PLA2R1: variants seen among roughly 807,000 people sequenced by gnomAD.
The protein encoded by PLA2R1 is secretory phospholipase A2 receptor.
Under a neutral mutation model 195.9 loss-of-function variants are expected in PLA2R1, and 158 were observed. That is an observed-to-expected ratio of 0.81 (90% CI 0.71 to 0.92). PLA2R1 has a LOEUF of 0.92. Among genes scored for constraint, PLA2R1 ranks in the 40% least tolerant of loss-of-function variants. The probability of loss-of-function intolerance (pLI) is 0.00; values close to 1 mark genes in which losing one functional copy is unlikely to be tolerated. For synonymous variants in PLA2R1, 586 were observed against 598.2 expected (o/e 0.98, Z 0.30); for missense variants, 1,626 against 1,764.6 (o/e 0.92, Z 1.41).
At chr2:160,013,666 CCTCT>C (rs1341449653) in intron 9 of PLA2R1, among the ~76,000 whole-genome samples, 3 of 95,108 alleles carry the variant, frequency 3.2e-5, no homozygotes, top group Non-Finnish European at 5.1e-5. Flanking sequence ...AAGATCTCTA[CCTCT>C]CTCTTTCTCT....
chr2:159,988,338 C>G (rs917230768), intron 11 of PLA2R1, among the ~76,000 whole-genome samples: 1 of 151,260 alleles, frequency 6.6e-6, no homozygotes, highest in African/African-American at 2.4e-5. Context: ...GCAATGTGCT[C>G]AGCTAGGCTG....
the PLA2R1 span, among the ~76,000 whole-genome samples, chr2:159,924,354 A>G: frequency 2.0e-5 from 3 of 152,158 alleles, no homozygotes; most frequent in Non-Finnish European, 4.4e-5. Context: ...AGGGATTAGG[A>G]TCTGATATCT....
chr2:159,930,407 CAA>C (rs11389351), downstream of PLA2R1, among the ~76,000 whole-genome samples: 22 of 115,470 alleles, frequency 1.9e-4, no homozygotes, highest in African/African-American at 1.7e-4. Flanking sequence ...GACTCCGTCT[CAA>C]AAAAAAAAAA....
chr2:160,028,065 A>G (rs1414337970), intron 6 of PLA2R1, among the ~76,000 whole-genome samples, 153 bp downstream of exon 6: 1 of 152,260 alleles, frequency 6.6e-6, no homozygotes, highest in African/African-American at 2.4e-5. Context: ...TTGACATAAC[A>G]GATATTGTCT....
Position 159,937,096 on chromosome 2 carries a change from T to C in PLA2R1, c.*4682A>G, listed in dbSNP as rs1560122423. On this transcript the variant is annotated 3_prime_UTR_variant, in exon 30 of 30. Coordinates refer to ENST00000283243, the MANE Select transcript of PLA2R1 (RefSeq NM_007366.5). ...TGATTATGTTCTCCTTCAGTTTTTT[T>C]TAAAGCATAGAAGTGGAAACACCCT... is the stretch of plus-strand genomic sequence containing the variant. The C allele has an allele frequency of 6.6e-6, 1 of 152,194 alleles. No individual in the cohort carries two copies. The highest frequency in any genetic ancestry group is 1.5e-5 in the Non-Finnish European group (1 of 68,032). 9.4% of individuals were successfully genotyped at this position (152,194 alleles called of 1,614,324 possible).
intron 11 of PLA2R1, among the ~76,000 whole-genome samples, chr2:159,990,252 A>T (rs1161023733): frequency 6.6e-6 from 1 of 152,198 alleles, no homozygotes; most frequent in Admixed American, 6.6e-5. Context: ...CCCACTGGAG[A>T]AGAAAAATGA....
Position 160,042,189 on chromosome 2 carries a change from G to C in PLA2R1, c.503C>G (p.Thr168Arg), listed in dbSNP as rs1403598246. Residue 168 changes from threonine to arginine, a missense_variant, in exon 3 of 30, where the codon ACA (threonine) becomes AGA (arginine). Physicochemically the swap from Thr to Arg is moderately conservative, Grantham distance 71. Transcript: ENST00000283243. ...ICEYLHKDLH[T>R]IKGNTHGMPC... ...CATCCCGTGGGTGTTCCCTTTGATT[G>C]TATGCAAATCTAGGAGAAAGAAATG... 1.2e-6 allele frequency: 2 copies of C among 1,612,546 alleles called. No individual in the cohort carries two copies. The highest frequency in any genetic ancestry group is 1.7e-6 in the Non-Finnish European group (2 of 1,178,898).
intron 27 of PLA2R1, 51 bp downstream of exon 27, chr2:159,946,750 T>A: frequency 6.5e-7 from 1 of 1,536,004 alleles, no homozygotes. Context: ...TATCATCAGC[T>A]TTAACAACCA....
chr2:159,975,814 T>C (rs1689510839), intron 17 of PLA2R1, among the ~76,000 whole-genome samples: 1 of 152,102 alleles, frequency 6.6e-6, no homozygotes, highest in South Asian at 2.1e-4. Flanking sequence ...GTGCTCACCA[T>C]TGTTGCTAAC....
At position 160,057,540 on chromosome 2, in the gene PLA2R1, T is replaced by G. The variant is rs544701249; in HGVS notation, c.109+4755A>C. Among the ~76,000 whole-genome samples, 3 of 152,318 alleles carry G rather than the reference T, an allele frequency of 2.0e-5. No individual in the cohort carries two copies. The East Asian group carries it at 5.8e-4, about 29-fold the overall frequency. On this transcript the variant is annotated intron_variant, in intron 1 of 29. Transcript: ENST00000283243. Reference sequence around the variant, plus strand: ...GGAATGCTCAGTCTCCTTTTTCCTATATGGTAACTGCCTACTTATCCTTTA... The same window carrying G: ...GGAATGCTCAGTCTCCTTTTTCCTAGATGGTAACTGCCTACTTATCCTTTA...
At chr2:160,001,474 C>CA (rs1691591426) in intron 11 of PLA2R1, among the ~76,000 whole-genome samples, 1 of 151,626 alleles carries the variant, frequency 6.6e-6, no homozygotes, top group Admixed American at 6.6e-5. Flanking sequence ...TACATAATCA[C>CA]AAAAAATATA....
rs1686696955 is a variant in PLA2R1 at position 159,934,011 on chromosome 2, G to C, written c.*7767C>G. The C allele has an allele frequency of 6.6e-6, 1 of 152,226 alleles. No individual in the cohort carries two copies. The highest frequency in any genetic ancestry group is 1.5e-5 in the Non-Finnish European group (1 of 68,046). The allele number at this position is 152,226 out of a possible 1,614,324, so 9.4% of individuals were successfully genotyped here. On this transcript the variant is annotated 3_prime_UTR_variant, in exon 30 of 30. Transcript: ENST00000283243. Reference sequence around the variant, plus strand: ...CAAAATAGGCTGCAGGCTGGATTTGGCCCTGCCAACTCCTGCTCTAAATCC... The same window carrying C: ...CAAAATAGGCTGCAGGCTGGATTTGCCCCTGCCAACTCCTGCTCTAAATCC...
intron 3 of PLA2R1, among the ~76,000 whole-genome samples, chr2:160,036,180 G>A (rs1025862041): frequency 1.3e-5 from 2 of 152,120 alleles, no homozygotes; most frequent in African/African-American, 2.4e-5. Context: ...AATACATAGA[G>A]ACCATTACAT....
intron 6 of PLA2R1, among the ~76,000 whole-genome samples, chr2:160,024,138 CTA>C (rs1693346940): frequency 6.6e-6 from 1 of 152,164 alleles, no homozygotes; most frequent in African/African-American, 2.4e-5. Flanking sequence ...TCTCTGTGGA[CTA>C]TGGGTCTATT....
intron 13 of PLA2R1, 89 bp from the exon 14 acceptor site, chr2:159,980,003 T>TATAC: frequency 1.4e-6 from 1 of 692,450 alleles, no homozygotes; most frequent in Non-Finnish European, 2.6e-6. Context: ...ATGGCACATG[T>TATAC]ATACACATGT....
chr2:159,977,491 C>T, intron 14 of PLA2R1, 75 bp from the exon 15 acceptor site: 2 of 1,354,500 alleles, frequency 1.5e-6, no homozygotes, highest in East Asian at 2.3e-5. Context: ...AAGGGCATCC[C>T]TGTACATAAG....
intron 10 of PLA2R1, among the ~76,000 whole-genome samples, chr2:160,006,909 G>A (rs999914761): frequency 2.0e-5 from 3 of 152,110 alleles, no homozygotes; most frequent in African/African-American, 7.2e-5. Flanking sequence ...GGAAATAGGA[G>A]ATAAAAAGAG....
At chr2:159,983,357 T>C (rs1275772706) in intron 13 of PLA2R1, among the ~76,000 whole-genome samples, 2 of 151,972 alleles carry the variant, frequency 1.3e-5, no homozygotes. Context: ...CAAGGTTCTG[T>C]AAACTTGCAA....
chr2:159,960,012 T>C (rs1688333775), intron 20 of PLA2R1, among the ~76,000 whole-genome samples: 1 of 152,210 alleles, frequency 6.6e-6, no homozygotes, highest in African/African-American at 2.4e-5. Context: ...TTGGTCCTGG[T>C]CACGTCCTTC....
Sources: gnomAD v4.1 joint callset for allele counts (sites outside exome capture counted in the v4.1 genomes callset) on GRCh38, gnomAD v4.1.1 for gene constraint, MANE v1.5 for transcripts, NCBI Gene and HGNC (gene_info 2026-07-23, HGNC 2026-07-21) for gene names.